The following ZFAND3 variants were observed in gnomAD, a reference collection of about 807,000 sequenced individuals.
The protein encoded by ZFAND3 is zinc finger AN1-type containing 3, also known as AN1-type zinc finger protein 3.
A neutral mutation model predicts 29.6 loss-of-function variants in ZFAND3; 10 were observed. That is an observed-to-expected ratio of 0.34 (90% confidence interval 0.21 to 0.57). ZFAND3 has a LOEUF of 0.57. ZFAND3 is among the 20% of genes least tolerant of loss of function. The pLI is 0.86. For missense variants in ZFAND3, 230 were observed against 304.5 expected (o/e 0.76, Z 1.82); for synonymous variants, 128 against 112.6 (o/e 1.14, Z -0.87).
At chr6:37,970,529 C>T (rs1240007248) in intron 2 of ZFAND3, among the ~76,000 whole-genome samples, 1 of 152,032 alleles carries the variant, frequency 6.6e-6, no homozygotes, top group Non-Finnish European at 1.5e-5. Flanking sequence ...AGGTCAGAGC[C>T]CTTGACTTAG....
chr6:37,968,895 C>A (rs572283369), intron 2 of ZFAND3, among the ~76,000 whole-genome samples: 3 of 152,302 alleles, frequency 2.0e-5, no homozygotes, highest in African/African-American at 7.2e-5. Flanking sequence ...TGAAGTCCTA[C>A]CCCTAAAATT....
chr6:37,846,746 C>A (rs535182226), intron 1 of ZFAND3, among the ~76,000 whole-genome samples: 1 of 148,202 alleles, frequency 6.7e-6, no homozygotes, highest in South Asian at 2.1e-4. Context: ...GAGTCTCGCT[C>A]TGTCGCCCAG....
intron 2 of ZFAND3, among the ~76,000 whole-genome samples, chr6:38,024,579 A>G (rs1349984329): frequency 2.0e-5 from 3 of 152,236 alleles, no homozygotes; most frequent in Non-Finnish European, 4.4e-5. Context: ...TGAATGATTA[A>G]ATAAATGGTG....
chr6:37,850,501 T>C (rs974150541), intron 1 of ZFAND3, among the ~76,000 whole-genome samples: 1 of 152,182 alleles, frequency 6.6e-6, no homozygotes, highest in Non-Finnish European at 1.5e-5. Context: ...AAGGTGGTCC[T>C]ATAAGATTAT....
At chr6:37,975,427 T>C (rs1009201345) in intron 2 of ZFAND3, among the ~76,000 whole-genome samples, 1 of 152,210 alleles carries the variant, frequency 6.6e-6, no homozygotes, top group Non-Finnish European at 1.5e-5. Context: ...ACTTGTCTTT[T>C]TTATAACAGT....
intron 1 of ZFAND3, among the ~76,000 whole-genome samples, chr6:37,902,692 T>C (rs900313702): frequency 6.6e-6 from 1 of 152,022 alleles, no homozygotes; most frequent in Non-Finnish European, 1.5e-5. Context: ...GAATGTAGAC[T>C]TTTTCTTTTC....
chr6:38,104,289 G>A (rs1335095052), intron 4 of ZFAND3, among the ~76,000 whole-genome samples: 2 of 151,798 alleles, frequency 1.3e-5, no homozygotes, highest in African/African-American at 4.9e-5. Flanking sequence ...TCGCGTATGA[G>A]CTGTAGGACA....
chr6:38,112,312 T>TCTTTATGAA (rs1765336363), intron 4 of ZFAND3, among the ~76,000 whole-genome samples: 1 of 152,258 alleles, frequency 6.6e-6, no homozygotes, highest in African/African-American at 2.4e-5. Flanking sequence ...TCTGCTTTGT[T>TCTTTATGAA]GGCCCTTTAT....
chr6:38,111,464 A>T (rs1765314801), intron 4 of ZFAND3, among the ~76,000 whole-genome samples: 1 of 152,226 alleles, frequency 6.6e-6, no homozygotes, highest in Non-Finnish European at 1.5e-5. Context: ...TCAACTGTGC[A>T]GGTCCACTAT....
intron 5 of ZFAND3, among the ~76,000 whole-genome samples, chr6:38,126,773 A>G (rs1221130054): frequency 6.6e-6 from 1 of 152,058 alleles, no homozygotes; most frequent in Non-Finnish European, 1.5e-5. Context: ...CCATCTTAAT[A>G]TTGTAACTCA....
chr6:38,098,664 C>G (rs1561998248), intron 4 of ZFAND3, among the ~76,000 whole-genome samples: 1 of 151,934 alleles, frequency 6.6e-6, no homozygotes, highest in Non-Finnish European at 1.5e-5. Flanking sequence ...CAATGCCTGG[C>G]TAATTTTTTT....
intron 2 of ZFAND3, among the ~76,000 whole-genome samples, chr6:38,040,962 T>C (rs1763748602): frequency 1.3e-5 from 2 of 152,226 alleles, no homozygotes; most frequent in Non-Finnish European, 1.5e-5. Context: ...CTGCCGCCTG[T>C]GCCCCTCCCC....
chr6:37,819,850 GC>G lies in ZFAND3; in HGVS notation c.-90del, dbSNP rs896113219. On this transcript the variant is annotated 5_prime_UTR_variant, in exon 1 of 6. Coordinates refer to ENST00000287218, the MANE Select transcript of ZFAND3 (RefSeq NM_021943.3). Reference sequence around the variant, plus strand: ...CTCCTTCCCCCTCCCCCCGCCCCGAGCCCCCCGACGCCGCCGCCACCGCCTC... The same window carrying G: ...CTCCTTCCCCCTCCCCCCGCCCCGAGCCCCCGACGCCGCCGCCACCGCCTC... 2 of 778,896 alleles carry G rather than the reference GC, an allele frequency of 2.6e-6. No homozygotes were observed. Among genetic ancestry groups the G allele is most frequent in the Non-Finnish European group, 3.3e-6 (2 of 607,888 alleles). 48.2% of individuals were successfully genotyped at this position (778,896 alleles called of 1,614,324 possible).
intron 5 of ZFAND3, among the ~76,000 whole-genome samples, chr6:38,146,394 A>G (rs1247306549): frequency 6.6e-6 from 1 of 152,194 alleles, no homozygotes; most frequent in Non-Finnish European, 1.5e-5. Context: ...AGGGCCATGG[A>G]AAGTGGAGTC....
At position 38,110,543 on chromosome 6, in the gene ZFAND3, C is replaced by T. The variant is rs114145057; in HGVS notation, c.362-6029C>T. Among the ~76,000 whole-genome samples the T allele has an allele frequency of 4.0e-3, 606 of 152,032 alleles. 2 individuals are homozygous for T. Among genetic ancestry groups the T allele is most frequent in the African/African-American group, 0.014 (579 of 41,462 alleles). On this transcript the variant is annotated intron_variant, in intron 4 of 5. Coordinates refer to ENST00000287218, the MANE Select transcript of ZFAND3 (RefSeq NM_021943.3). ...CAGCTAAAAGCTCCTTTTAAGTGGT[C>T]GAAGGAGAAACAGCAGTGATGTGTG... is the stretch of plus-strand genomic sequence containing the variant.
chr6:37,898,886 A>G (rs1398577607), intron 1 of ZFAND3, among the ~76,000 whole-genome samples: 1 of 135,408 alleles, frequency 7.4e-6, no homozygotes, highest in Admixed American at 7.3e-5. Flanking sequence ...TGACAGGTTT[A>G]CATATTCATT....
intron 5 of ZFAND3, among the ~76,000 whole-genome samples, chr6:38,143,654 T>A (rs1216089636): frequency 6.6e-6 from 1 of 152,232 alleles, no homozygotes; most frequent in Non-Finnish European, 1.5e-5. Context: ...TTCCTTCTCT[T>A]TGAAAAGCAG....
chr6:38,070,230 C>T (rs1353519272), intron 3 of ZFAND3, among the ~76,000 whole-genome samples: 1 of 152,062 alleles, frequency 6.6e-6, no homozygotes, highest in Non-Finnish European at 1.5e-5. Flanking sequence ...CAAGACTAAC[C>T]TGGTCAACAT....
chr6:37,864,738 T>TACAC (rs70977698), intron 1 of ZFAND3, among the ~76,000 whole-genome samples: 1,879 of 148,962 alleles, frequency 0.013, 30 homozygotes, highest in African/African-American at 0.042. Flanking sequence ...TATGTGGTTA[T>TACAC]ACACACACAC....
Sources: gnomAD v4.1 joint callset for allele counts (sites outside exome capture counted in the v4.1 genomes callset) on GRCh38, gnomAD v4.1.1 for gene constraint, MANE v1.5 for transcripts, NCBI Gene and HGNC (gene_info 2026-07-23, HGNC 2026-07-21) for gene names.